Variants in ANK2 observed in about 807,000 individuals in gnomAD.
ANK2 encodes ankyrin 2.
A neutral mutation model predicts 360.5 loss-of-function variants in ANK2; 83 were observed. The ratio of observed to expected loss-of-function variants is 0.23; its 90% confidence interval spans 0.19 to 0.28. ANK2 has a LOEUF of 0.28. Ranked by LOEUF, ANK2 falls within the 10% of genes least tolerant of loss-of-function variation. ANK2 has a pLI of 1.00. For missense variants in ANK2, 4,201 were observed against 4,795.7 expected (o/e 0.88, Z 3.66); for synonymous variants, 1,740 against 1,759.5 (o/e 0.99, Z 0.28).
intron 23 of ANK2, among the ~76,000 whole-genome samples, chr4:113,307,412 CTTTTT>C (rs56756321): frequency 2.2e-5 from 2 of 91,872 alleles, no homozygotes; most frequent in Non-Finnish European, 2.1e-5. Context: ...GCCATTCCAC[CTTTTT>C]TTTTTTTTTT....
intron 1 of ANK2, among the ~76,000 whole-genome samples, chr4:112,869,861 T>G (rs1455109128): frequency 6.6e-6 from 1 of 151,886 alleles, no homozygotes; most frequent in Admixed American, 6.6e-5. Flanking sequence ...TTTTGTATTT[T>G]TAGTAGAGAC....
At chr4:113,012,186 G>A (rs528994350) in intron 2 of ANK2, among the ~76,000 whole-genome samples, 1 of 152,122 alleles carries the variant, frequency 6.6e-6, no homozygotes, top group African/African-American at 2.4e-5. Flanking sequence ...AAGGTAATTG[G>A]TTTTTATTCC....
At chr4:112,966,238 T>A (rs1322460302) in intron 2 of ANK2, among the ~76,000 whole-genome samples, 4 of 151,714 alleles carry the variant, frequency 2.6e-5, no homozygotes, top group Non-Finnish European at 4.4e-5. Flanking sequence ...TAAATTGATA[T>A]CTTCTAACAC....
Position 113,341,710 on chromosome 4 carries a change from C to A in ANK2, c.3916C>A (p.Gln1306Lys). Residue 1306 changes from glutamine (Q) to lysine (K), a missense_variant, in exon 33 of 46, where the codon CAG (glutamine) becomes AAG (lysine). This residue lies in a region of ANK2 where 1,268 missense variants were observed against 1,650.8 expected (regional missense o/e 0.77). Coordinates refer to ENST00000357077, the MANE Select transcript of ANK2 (RefSeq NM_001148.6). ...SARFWLIDCRQIQESVTFASQ... is the reference protein window; with the variant it reads ...SARFWLIDCRKIQESVTFASQ... Reference sequence around the variant, plus strand: ...TAGGTTCTGGCTGATAGATTGTCGACAGATCCAGGAATCCGTTACTTTTGC... The same window carrying A: ...TAGGTTCTGGCTGATAGATTGTCGAAAGATCCAGGAATCCGTTACTTTTGC... 1 of 1,614,096 alleles carries A rather than the reference C, an allele frequency of 6.2e-7. No homozygotes were observed. The highest frequency in any genetic ancestry group is 8.5e-7 in the Non-Finnish European group (1 of 1,180,008).
intron 26 of ANK2, among the ~76,000 whole-genome samples, chr4:113,327,201 T>A (rs1004500349): frequency 1.7e-4 from 26 of 152,118 alleles, no homozygotes; most frequent in African/African-American, 5.8e-4. Context: ...TCTTTGGTCT[T>A]TCTTCATATA....
At chr4:113,269,016 T>C (rs1235223175) in intron 14 of ANK2, among the ~76,000 whole-genome samples, 1 of 152,200 alleles carries the variant, frequency 6.6e-6, no homozygotes, top group Admixed American at 6.5e-5. Flanking sequence ...CTTCTAGATT[T>C]TCTAGTTTAT....
intron 1 of ANK2, among the ~76,000 whole-genome samples, chr4:113,082,520 G>C (rs930406212): frequency 6.6e-6 from 1 of 152,088 alleles, no homozygotes; most frequent in African/African-American, 2.4e-5. Context: ...TTAATAATTA[G>C]TTTTATATGG....
chr4:112,810,143 ATATATATATATATATATTTTTT>A, the ANK2 span, among the ~76,000 whole-genome samples: 62 of 23,014 alleles, frequency 2.7e-3, no homozygotes, highest in African/African-American at 0.011. Flanking sequence ...ATATATATAT[ATATATATATATATATATTTTTT>A]TTTTTTTTTT....
At chr4:112,817,738 G>A (rs931820747), upstream of ANK2, among the ~76,000 whole-genome samples, 6 of 152,116 alleles carry the variant, frequency 3.9e-5, no homozygotes, top group East Asian at 1.9e-4. Context: ...ATTTATAGAT[G>A]AAATCACTCC....
chr4:112,970,174 C>T (rs778383882), intron 2 of ANK2, among the ~76,000 whole-genome samples: 23 of 151,294 alleles, frequency 1.5e-4, no homozygotes, highest in Non-Finnish European at 1.5e-4. Flanking sequence ...TTAGTAGAGA[C>T]GGGGTTTCAC....
the ANK2 span, among the ~76,000 whole-genome samples, chr4:112,718,935 TCGCATGAGCCA>T: frequency 2.9e-5 from 2 of 69,122 alleles, no homozygotes; most frequent in African/African-American, 1.5e-4. Context: ...CCGCACCCGG[TCGCATGAGCCA>T]CCGCTCCCGG....
intron 9 of ANK2, 45 bp from the exon 10 acceptor site, chr4:113,249,719 T>A: frequency 6.3e-7 from 1 of 1,585,116 alleles, no homozygotes; most frequent in Non-Finnish European, 8.6e-7. Context: ...AAATATAGAT[T>A]TTTTTGAAGT....
intron 2 of ANK2, among the ~76,000 whole-genome samples, chr4:112,998,890 C>A (rs74851561): frequency 8.4e-4 from 128 of 152,202 alleles, no homozygotes; most frequent in African/African-American, 3.0e-3. Context: ...TTGGAGAAGT[C>A]TTTCTGTATA....
At chr4:112,812,035 A>G in the ANK2 span, among the ~76,000 whole-genome samples, 7 of 137,238 alleles carry the variant, frequency 5.1e-5, no homozygotes, top group African/African-American at 1.4e-4. Context: ...CGATCCCGCC[A>G]CTGCACCCCA....
At chr4:113,241,351 G>A (rs940661502) in intron 8 of ANK2, among the ~76,000 whole-genome samples, 3 of 152,252 alleles carry the variant, frequency 2.0e-5, no homozygotes, top group Middle Eastern at 3.4e-3. Flanking sequence ...TGTTGTTGCT[G>A]TTTAGAGACA....
At chr4:113,250,448 C>T (rs1295766795) in intron 10 of ANK2, among the ~76,000 whole-genome samples, 1 of 152,268 alleles carries the variant, frequency 6.6e-6, no homozygotes. Context: ...CTTTTTCCTC[C>T]CGTTTTATCA....
At chr4:112,733,000 C>T in the ANK2 span, among the ~76,000 whole-genome samples, 4 of 152,008 alleles carry the variant, frequency 2.6e-5, no homozygotes, top group Non-Finnish European at 4.4e-5. Context: ...CAGTAAATCA[C>T]GAGGTCAGGA....
intron 2 of ANK2, among the ~76,000 whole-genome samples, chr4:112,983,757 C>A (rs575291654): frequency 6.6e-6 from 1 of 152,118 alleles, no homozygotes; most frequent in Admixed American, 6.5e-5. Context: ...TCTCTTTCTC[C>A]ATATCTTGAT....
rs142025574 is a variant in ANK2 at position 112,967,686 on chromosome 4, G to A, written c.21+63172G>A. Among the ~76,000 whole-genome samples, 1,335 of 152,178 alleles carry A rather than the reference G, an allele frequency of 8.8e-3. 10 individuals are homozygous for A. Among genetic ancestry groups the A allele is most frequent in the Admixed American group, 0.012 (181 of 15,288 alleles). On this transcript the variant is annotated intron_variant, in intron 2 of 30. Coordinates refer to the ANK2 transcript ENST00000503271. ...TCTTTAAAAAAATCCTGTCAAATCC[G>A]TATATTTTTGATGTTATATCAGTTT...
Sources: allele counts gnomAD v4.1 joint callset (sites outside exome capture counted in the v4.1 genomes callset), GRCh38; gene constraint gnomAD v4.1.1; regional missense constraint gnomAD v4.1.1; transcripts MANE v1.5; gene names NCBI Gene and HGNC (gene_info 2026-07-23, HGNC 2026-07-21).